The following SIDT1 variants were observed in gnomAD, a reference collection of about 807,000 sequenced individuals.
SIDT1 encodes SID1 transmembrane family, member 1.
Under a neutral mutation model 107.5 loss-of-function variants are expected in SIDT1, and 101 were observed. The observed-to-expected ratio is 0.94, with a 90% CI of 0.80 to 1.11. The LOEUF (loss-of-function observed/expected upper bound fraction) is 1.11. Among genes scored for constraint, SIDT1 ranks in the 50% least tolerant of loss-of-function variants. The probability of loss-of-function intolerance (pLI) is 0.00; values close to 1 mark genes in which losing one functional copy is unlikely to be tolerated. For synonymous variants in SIDT1, 395 were observed against 398.2 expected (o/e 0.99, Z 0.10); for missense variants, 1,076 against 1,058.2 (o/e 1.02, Z -0.23).
At chr3:113,552,091 C>G (rs149424438) in intron 1 of SIDT1, among the ~76,000 whole-genome samples, 1 of 152,080 alleles carries the variant, frequency 6.6e-6, no homozygotes. Context: ...TGACTCACAC[C>G]TATCTTAAAT....
At chr3:113,600,073 G>A (rs1373621535) in intron 10 of SIDT1, among the ~76,000 whole-genome samples, 3 of 152,172 alleles carry the variant, frequency 2.0e-5, no homozygotes, top group East Asian at 3.9e-4. Flanking sequence ...ACTTTGAGAG[G>A]CCAAGGCAAG....
At chr3:113,609,320 C>T (rs1945573226) in intron 17 of SIDT1, among the ~76,000 whole-genome samples, 1 of 152,124 alleles carries the variant, frequency 6.6e-6, no homozygotes, top group South Asian at 2.1e-4. Flanking sequence ...CCTGCCTCTG[C>T]CTCCCAAAGT....
intron 9 of SIDT1, among the ~76,000 whole-genome samples, chr3:113,585,909 C>T (rs1345740744): frequency 1.3e-5 from 2 of 152,134 alleles, no homozygotes; most frequent in African/African-American, 4.8e-5. Context: ...CGGGGTTGAA[C>T]CTTGAGAATT....
intron 11 of SIDT1, chr3:113,602,465 T>G (rs1945027398): frequency 6.6e-6 from 1 of 152,248 alleles, no homozygotes; most frequent in African/African-American, 2.4e-5. Flanking sequence ...GCTGCATAAA[T>G]CTCCATCTGC....
chr3:113,552,783 G>A lies in SIDT1; in HGVS notation c.223-13637G>A, dbSNP rs115833552. On this transcript the variant is annotated intron_variant, in intron 1 of 24. Transcript: ENST00000264852. ...TTACTCACAATTGAATGTACCAAAT[G>A]GGCATATCCATCTACCCAAGCACAG... is the stretch of plus-strand genomic sequence containing the variant. 4.0e-3 allele frequency among the ~76,000 whole-genome samples: 610 copies of A among 152,296 alleles called. 1 individual carries two copies. Among genetic ancestry groups the A allele is most frequent in the Non-Finnish European group, 6.0e-3 (411 of 68,026 alleles).
At chr3:113,563,957 G>GT (rs1300694398) in intron 1 of SIDT1, among the ~76,000 whole-genome samples, 1 of 149,766 alleles carries the variant, frequency 6.7e-6, no homozygotes, top group East Asian at 1.9e-4. Context: ...TTTTTGTTTT[G>GT]TTTTTTTGAG....
At chr3:113,608,585 C>A in intron 17 of SIDT1, 49 bp downstream of exon 17, 1 of 1,345,172 alleles carries the variant, frequency 7.4e-7, no homozygotes, top group Non-Finnish European at 1.1e-6. Flanking sequence ...TCAGTCTTAT[C>A]CTGGAACCCT....
At chr3:113,551,630 C>A (rs1940242901) in intron 1 of SIDT1, among the ~76,000 whole-genome samples, 5 of 151,882 alleles carry the variant, frequency 3.3e-5, no homozygotes, top group East Asian at 1.9e-4. Context: ...AAAACTGAAA[C>A]AAGATTTTTT....
chr3:113,598,660 C>G (rs908442587), intron 10 of SIDT1, among the ~76,000 whole-genome samples: 2 of 152,270 alleles, frequency 1.3e-5, no homozygotes, highest in South Asian at 2.1e-4. Context: ...CTCAGCATCT[C>G]CCTTTTATCA....
intron 1 of SIDT1, among the ~76,000 whole-genome samples, chr3:113,535,227 T>C (rs1490394577): frequency 6.6e-6 from 1 of 152,134 alleles, no homozygotes; most frequent in Non-Finnish European, 1.5e-5. Flanking sequence ...TGAGCTGAGC[T>C]CTTGCCACTG....
chr3:113,600,234 C>G (rs1165800210), intron 10 of SIDT1, among the ~76,000 whole-genome samples: 1 of 152,012 alleles, frequency 6.6e-6, no homozygotes, highest in African/African-American at 2.4e-5. Flanking sequence ...CGCTTGAACC[C>G]GGGAGGTGGA....
intron 3 of SIDT1, among the ~76,000 whole-genome samples, chr3:113,574,542 T>C (rs1454331328): frequency 2.0e-5 from 3 of 152,110 alleles, no homozygotes; most frequent in Admixed American, 6.5e-5. Context: ...TGAAAGTTTG[T>C]CCTGCCTCTC....
At chr3:113,600,336 A>G (rs142479836) in intron 10 of SIDT1, among the ~76,000 whole-genome samples, 113 of 151,904 alleles carry the variant, frequency 7.4e-4, no homozygotes, top group African/African-American at 2.5e-3. Flanking sequence ...TTTTCATAAA[A>G]AAAAAATAAG....
chr3:113,564,839 C>T (rs1290779538), intron 1 of SIDT1, among the ~76,000 whole-genome samples: 1 of 152,172 alleles, frequency 6.6e-6, no homozygotes, highest in African/African-American at 2.4e-5. Context: ...GCATAATTTC[C>T]ATGGAAACAT....
intron 1 of SIDT1, among the ~76,000 whole-genome samples, chr3:113,548,684 G>A (rs1253961583): frequency 6.6e-6 from 1 of 152,116 alleles, no homozygotes. Flanking sequence ...AGGGTGGGAA[G>A]TTGCGAAAGA....
chr3:113,611,075 C>T lies in SIDT1; in HGVS notation c.1788C>T (p.Asp596=), dbSNP rs763343417. The stretch of plus-strand genomic sequence containing the variant: ...AGCTCTATCAGACCCGCCACCCAGA[C>T]ATCAATGCCAGCGCCTACTCTGCCT... ...MLKLYQTRHP[D]INASAYSAYA... Residue 596 remains aspartate, a synonymous_variant, in exon 18 of 25, where the codon GAC becomes GAT. Transcript: ENST00000264852. 4 of 1,614,078 alleles carry T rather than the reference C, an allele frequency of 2.5e-6. No homozygotes were observed. The highest frequency in any genetic ancestry group is 4.5e-5 in the East Asian group (2 of 44,900).
At chr3:113,608,862 C>T (rs1442767956) in intron 17 of SIDT1, among the ~76,000 whole-genome samples, 1 of 152,148 alleles carries the variant, frequency 6.6e-6, no homozygotes, top group Non-Finnish European at 1.5e-5. Flanking sequence ...TTGGTTTTAT[C>T]ATCAGGCTAT....
Position 113,626,288 on chromosome 3 carries a change from CCTTA to C in SIDT1, c.2421+77_2421+80del, listed in dbSNP as rs753569384. 5.8e-4 allele frequency: 599 copies of C among 1,036,056 alleles called. 1 individual carries two copies. The highest frequency in any genetic ancestry group is 1.8e-3 in the South Asian group (132 of 71,666). The allele number at this position is 1,036,056 out of a possible 1,614,324, so 64.2% of individuals were successfully genotyped here. A position where few individuals can be genotyped will look rare whatever the true frequency, so the allele number is the denominator to read the frequency against. On this transcript the variant is annotated intron_variant, in intron 24 of 24. Coordinates refer to ENST00000264852, the MANE Select transcript of SIDT1 (RefSeq NM_017699.3). ...TGTACTCTCTTTTTCTTCTGCTCTT[CCTTA>C]CTTTTTTTTATATTCCTCTCTAATT...
chr3:113,600,811 T>C (rs903548525), intron 10 of SIDT1, among the ~76,000 whole-genome samples: 6 of 152,206 alleles, frequency 3.9e-5, no homozygotes, highest in African/African-American at 1.4e-4. Flanking sequence ...GTTACATACT[T>C]ATGGGTCAGC....
Sources: allele counts gnomAD v4.1 joint callset (sites outside exome capture counted in the v4.1 genomes callset), GRCh38; gene constraint gnomAD v4.1.1; transcripts MANE v1.5; gene names NCBI Gene and HGNC (gene_info 2026-07-23, HGNC 2026-07-21).